The following MYO6 variants were observed in gnomAD, a reference collection of about 807,000 sequenced individuals.
The protein encoded by MYO6 is unconventional myosin-VI.
MYO6 carries 74 observed loss-of-function variants against 178.7 expected under a neutral mutation model. The ratio of observed to expected loss-of-function variants is 0.41; its 90% CI spans 0.34 to 0.50. MYO6 has a LOEUF of 0.50. Ranked by LOEUF, MYO6 falls within the 20% of genes least tolerant of loss-of-function variation. The probability of loss-of-function intolerance (pLI) is 0.09; values close to 1 mark genes in which losing one functional copy is unlikely to be tolerated. For synonymous variants in MYO6, 477 were observed against 504.6 expected, an observed-to-expected ratio of 0.95 and a Z score of 0.73; for missense variants, 1,330 against 1,547.4, an observed-to-expected ratio of 0.86 and a Z score of 2.36.
chr6:75,807,244 T>C (rs190566381), intron 1 of MYO6, among the ~76,000 whole-genome samples: 2 of 152,356 alleles, frequency 1.3e-5, no homozygotes, highest in East Asian at 3.9e-4. Context: ...CTTTTCTCAC[T>C]AATCTCTCTG....
chr6:75,905,381 T>C (rs190786461), intron 30 of MYO6, among the ~76,000 whole-genome samples: 73 of 152,320 alleles, frequency 4.8e-4, no homozygotes, highest in African/African-American at 1.7e-3. Context: ...TCCGTGGGCG[T>C]AGGACCCTCC....
At chr6:75,908,457 A>G in intron 31 of MYO6, 39 bp from the exon 32 acceptor site, 1 of 1,596,016 alleles carries the variant, frequency 6.3e-7, no homozygotes. Context: ...GAATAAATTA[A>G]CATGTCAATT....
chr6:75,880,789 G>A (rs938877752), intron 22 of MYO6, among the ~76,000 whole-genome samples: 1 of 152,166 alleles, frequency 6.6e-6, no homozygotes, highest in African/African-American at 2.4e-5. Flanking sequence ...TGGTTGATGG[G>A]TTTTTGACAT....
intron 20 of MYO6, among the ~76,000 whole-genome samples, chr6:75,876,489 A>G (rs971823242): frequency 2.0e-5 from 3 of 150,576 alleles, no homozygotes; most frequent in African/African-American, 7.5e-5. Flanking sequence ...TCTTCCATAA[A>G]GTAGAGATGT....
chr6:75,870,744 A>G, intron 19 of MYO6, 59 bp downstream of exon 19: 4 of 1,352,790 alleles, frequency 3.0e-6, no homozygotes, highest in Non-Finnish European at 3.2e-6. Context: ...ATTATTAGTA[A>G]TTATGCAAGT....
intron 12 of MYO6, among the ~76,000 whole-genome samples, chr6:75,855,512 T>C (rs557690698): frequency 2.0e-5 from 3 of 152,302 alleles, no homozygotes; most frequent in African/African-American, 7.2e-5. Context: ...TCTACAACTA[T>C]GAAAATATGA....
chr6:75,837,670 C>T (rs1406053556), intron 7 of MYO6, among the ~76,000 whole-genome samples: 2 of 152,168 alleles, frequency 1.3e-5, no homozygotes, highest in Non-Finnish European at 2.9e-5. Flanking sequence ...CTAAATACAA[C>T]TCTAATAAAC....
intron 1 of MYO6, among the ~76,000 whole-genome samples, chr6:75,776,853 G>GAA (rs1766441168): frequency 6.6e-6 from 1 of 152,046 alleles, no homozygotes; most frequent in Non-Finnish European, 1.5e-5. Context: ...TTTTTAACAT[G>GAA]AAAGATCTTG....
intron 1 of MYO6, among the ~76,000 whole-genome samples, chr6:75,817,087 C>T (rs1235366737): frequency 1.3e-5 from 2 of 152,068 alleles, no homozygotes; most frequent in Non-Finnish European, 2.9e-5. Context: ...AGGCGGATCA[C>T]GAGGTCAGGA....
intron 7 of MYO6, among the ~76,000 whole-genome samples, chr6:75,839,052 T>C (rs1773942041): frequency 6.6e-6 from 1 of 152,130 alleles, no homozygotes. Context: ...TATTTTGGCA[T>C]GTGAAATGGC....
At chr6:75,836,971 C>T (rs1203923351) in intron 7 of MYO6, among the ~76,000 whole-genome samples, 1 of 152,214 alleles carries the variant, frequency 6.6e-6, no homozygotes, top group African/African-American at 2.4e-5. Context: ...CCACAGTGCT[C>T]TGTGTGGTCT....
At chr6:75,898,024 A>G (rs1012616593) in intron 29 of MYO6, among the ~76,000 whole-genome samples, 11 of 152,190 alleles carry the variant, frequency 7.2e-5, no homozygotes, top group African/African-American at 2.7e-4. Flanking sequence ...AAATCCTCAT[A>G]TGGAATCTAT....
At chr6:75,827,235 G>C (rs912987104) in intron 3 of MYO6, among the ~76,000 whole-genome samples, 3 of 152,198 alleles carry the variant, frequency 2.0e-5, no homozygotes, top group African/African-American at 7.2e-5. Context: ...AGTTGTAGTG[G>C]TGGTGGTGAG....
At chr6:75,817,422 C>A in intron 1 of MYO6, 79 bp from the exon 2 acceptor site, 1 of 815,278 alleles carries the variant, frequency 1.2e-6, no homozygotes, top group Non-Finnish European at 2.1e-6. Flanking sequence ...TACATGTGAA[C>A]TTTTGAAAAA....
rs1768819509 is a variant in MYO6 at position 75,796,387 on chromosome 6, A to G, written c.-47-21114A>G. On this transcript the variant is annotated intron_variant, in intron 1 of 34. Coordinates refer to ENST00000369977, the MANE Select transcript of MYO6 (RefSeq NM_004999.4). ...TTACTAAGTAACATTTATGTCCAGT[A>G]TTTCAGCTTTTAATTTCACATCTTT... Among the ~76,000 whole-genome samples the G allele has an allele frequency of 1.3e-5, 2 of 152,018 alleles. 1 individual carries two copies.
At chr6:75,751,015 TC>T (rs1355649937) in intron 1 of MYO6, among the ~76,000 whole-genome samples, 14 of 152,164 alleles carry the variant, frequency 9.2e-5, no homozygotes, top group Non-Finnish European at 1.9e-4. Flanking sequence ...TAACTGAACT[TC>T]CTAGATGTCT....
At chr6:75,802,951 A>G (rs1379335749) in intron 1 of MYO6, among the ~76,000 whole-genome samples, 1 of 152,190 alleles carries the variant, frequency 6.6e-6, no homozygotes, top group Non-Finnish European at 1.5e-5. Context: ...AGAAATTTTG[A>G]CTAGGTAAAC....
intron 1 of MYO6, among the ~76,000 whole-genome samples, chr6:75,794,119 A>C (rs1279797717): frequency 6.6e-6 from 1 of 152,148 alleles, no homozygotes; most frequent in Admixed American, 6.6e-5. Context: ...GGACATTCCC[A>C]AGACGGTGGA....
rs1316877032 is a variant in MYO6, at chr6:75,762,421, A to G, written c.-48+12998A>G. Among the ~76,000 whole-genome samples, 3 of 152,352 alleles carry G rather than the reference A, an allele frequency of 2.0e-5. No individual in the cohort carries two copies. In the East Asian group the frequency reaches 5.8e-4, roughly 29 times the overall value. Reference sequence around the variant, plus strand: ...ATAGATGTAGTAAGGAGTAGAGTCAAAAGATGCTTCCAGGTGGTCTGGCTC... The same window carrying G: ...ATAGATGTAGTAAGGAGTAGAGTCAGAAGATGCTTCCAGGTGGTCTGGCTC... On this transcript the variant is annotated intron_variant, in intron 1 of 34. Coordinates refer to ENST00000369977, the MANE Select transcript of MYO6 (RefSeq NM_004999.4).
Sources: gnomAD v4.1 joint callset for allele counts (sites outside exome capture counted in the v4.1 genomes callset) on GRCh38, gnomAD v4.1.1 for gene constraint, MANE v1.5 for transcripts, NCBI Gene and HGNC (gene_info 2026-07-23, HGNC 2026-07-21) for gene names.